The following TENT4B variants were observed in gnomAD, a reference collection of about 807,000 sequenced individuals.
TENT4B encodes terminal nucleotidyltransferase 4B, also known as PAP associated domain containing 5.
TENT4B carries 10 observed loss-of-function variants against 75.0 expected under a neutral mutation model. The observed-to-expected ratio is 0.13, with a 90% CI of 0.08 to 0.23. The LOEUF (loss-of-function observed/expected upper bound fraction) is 0.23. Among genes scored for constraint, TENT4B ranks in the 10% least tolerant of loss-of-function variants. The pLI, the probability that TENT4B is intolerant of heterozygous loss-of-function variation, is 1.00. For synonymous variants in TENT4B, 350 were observed against 357.7 expected, an observed-to-expected ratio of 0.98 and a Z score of 0.24; for missense variants, 579 against 893.8, an observed-to-expected ratio of 0.65 and a Z score of 4.49.
At position 50,217,635 on chromosome 16, in the gene TENT4B, C is replaced by A; in HGVS notation, c.1010C>A (p.Ala337Glu). 6.5e-7 allele frequency: 1 copy of A among 1,530,618 alleles called. No individual in the cohort carries two copies. The highest frequency in any genetic ancestry group is 8.8e-7 in the Non-Finnish European group (1 of 1,141,250). 94.8% of individuals were successfully genotyped at this position (1,530,618 alleles called of 1,614,324 possible). ...TTTAATGTACAGAATGGCGTGAGAGCAGCTGACCTCATCAAAGATTTTACC... is the reference window on the plus strand; with the variant it reads ...TTTAATGTACAGAATGGCGTGAGAGAAGCTGACCTCATCAAAGATTTTACC... ...ISFNVQNGVR[A>E]ADLIKDFTKK... The change falls in exon 5 of 12, where the codon GCA (alanine) becomes GAA (glutamate). Residue 337 changes from alanine to glutamate, a missense_variant. Transcript: ENST00000561678.
rs2038245246 is a variant in TENT4B at position 50,173,532 on chromosome 16, A to T, written c.638+19273A>T. On this transcript the variant is annotated intron_variant, in intron 1 of 11. Coordinates refer to ENST00000561678, the MANE Select transcript of TENT4B (RefSeq NM_001365324.3). ...CCATTTTGCATTCCCACCAGCAATG[A>T]ATCAAGTTCCTGTCGCTCCACATCC... Among the ~76,000 whole-genome samples the T allele has an allele frequency of 1.3e-5, 2 of 152,198 alleles. 1 individual carries two copies. Among genetic ancestry groups the T allele is most frequent in the Admixed American group, 1.3e-4 (2 of 15,272 alleles).
chr16:50,225,373 T>C (rs571537358), intron 10 of TENT4B, 88 bp downstream of exon 10: 16 of 1,155,976 alleles, frequency 1.4e-5, no homozygotes, highest in Non-Finnish European at 1.9e-5. Context: ...CTAAGGCTAC[T>C]TCCTTTGCTT....
chr16:50,162,617 A>G (rs1023934494), intron 1 of TENT4B, among the ~76,000 whole-genome samples: 9 of 152,206 alleles, frequency 5.9e-5, no homozygotes, highest in African/African-American at 1.9e-4. Context: ...TTCTCAATGA[A>G]AAATCTCTAA....
intron 1 of TENT4B, among the ~76,000 whole-genome samples, chr16:50,191,049 T>G (rs950839362): frequency 6.6e-6 from 1 of 151,898 alleles, no homozygotes; most frequent in African/African-American, 2.4e-5. Context: ...AACATGACTT[T>G]CCTTTTAAGG....
chr16:50,175,189 C>G (rs374361689), intron 1 of TENT4B, among the ~76,000 whole-genome samples: 2 of 152,092 alleles, frequency 1.3e-5, no homozygotes, highest in African/African-American at 4.8e-5. Context: ...GATAATAAGT[C>G]TTTTATTAGA....
chr16:50,171,711 G>A (rs765354577), intron 1 of TENT4B, among the ~76,000 whole-genome samples: 13 of 151,934 alleles, frequency 8.6e-5, no homozygotes, highest in Non-Finnish European at 1.9e-4. Context: ...ATGCCTGTAA[G>A]CCTAGCACTT....
At chr16:50,156,437 CAGGT>C (rs545000516) in intron 1 of TENT4B, among the ~76,000 whole-genome samples, 1 of 151,688 alleles carries the variant, frequency 6.6e-6, no homozygotes, top group Non-Finnish European at 1.5e-5. Flanking sequence ...CTCTGCCTCC[CAGGT>C]TCAAGCGATT....
intron 1 of TENT4B, among the ~76,000 whole-genome samples, chr16:50,186,624 T>G (rs544498635): frequency 6.6e-6 from 1 of 152,334 alleles, no homozygotes; most frequent in African/African-American, 2.4e-5. Flanking sequence ...CTGGATCATA[T>G]GATAATTCTA....
chr16:50,196,361 GATTT>G lies in TENT4B; in HGVS notation c.639-14958_639-14955del, dbSNP rs529046389. On this transcript the variant is annotated intron_variant, in intron 1 of 11. Transcript: ENST00000561678. ...ACCTAATTAGGAGTGTGAAAAAAAA[GATTT>G]ATTATAGTAGTGGGCTTTTGTTTGA... is the stretch of plus-strand genomic sequence containing the variant. Among the ~76,000 whole-genome samples the G allele has an allele frequency of 4.1e-3, 624 of 151,986 alleles. 8 individuals carry two copies. The highest frequency in any genetic ancestry group is 6.5e-3 in the Non-Finnish European group (441 of 67,972).
At chr16:50,163,750 GTTTTTATATATA>G (rs2038044784) in intron 1 of TENT4B, among the ~76,000 whole-genome samples, 1 of 151,642 alleles carries the variant, frequency 6.6e-6, no homozygotes, top group African/African-American at 2.4e-5. Flanking sequence ...ACTTTTTAGT[GTTTTTATATATA>G]TATATATTTT....
At chr16:50,198,613 A>G (rs968741064) in intron 1 of TENT4B, among the ~76,000 whole-genome samples, 13 of 152,142 alleles carry the variant, frequency 8.5e-5, no homozygotes, top group African/African-American at 3.1e-4. Flanking sequence ...TAATTAATAT[A>G]ATTTAAATTA....
At chr16:50,190,569 A>G (rs928247800) in intron 1 of TENT4B, among the ~76,000 whole-genome samples, 1 of 152,042 alleles carries the variant, frequency 6.6e-6, no homozygotes, top group African/African-American at 2.4e-5. Context: ...TTTACCTAGC[A>G]TAGTATTTTC....
chr16:50,154,579 A>G (rs1328161740), intron 1 of TENT4B, among the ~76,000 whole-genome samples: 1 of 148,956 alleles, frequency 6.7e-6, no homozygotes, highest in Non-Finnish European at 1.5e-5. Flanking sequence ...CCTTAGTTAA[A>G]CACATCTACC....
At chr16:50,226,034 C>T (rs189275264) in intron 10 of TENT4B, among the ~76,000 whole-genome samples, 1 of 151,910 alleles carries the variant, frequency 6.6e-6, no homozygotes, top group Admixed American at 6.6e-5. Flanking sequence ...GAGTCTTGCT[C>T]TGTCACCCAG....
At chr16:50,180,736 T>G (rs1037147076) in intron 1 of TENT4B, among the ~76,000 whole-genome samples, 4 of 148,892 alleles carry the variant, frequency 2.7e-5, no homozygotes, top group Non-Finnish European at 5.9e-5. Context: ...TCGTATGCAG[T>G]AAAGGTTGAA....
At chr16:50,177,348 C>T (rs189493335) in intron 1 of TENT4B, among the ~76,000 whole-genome samples, 1 of 152,196 alleles carries the variant, frequency 6.6e-6, no homozygotes, top group Non-Finnish European at 1.5e-5. Flanking sequence ...CACCAGTGAA[C>T]CCATCTGGGC....
At position 50,231,143 on chromosome 16, in the gene TENT4B, CAT is replaced by C. The variant is rs1477282936; in HGVS notation, c.*1817_*1818del. The C allele has an allele frequency of 1.6e-5, 16 of 985,544 alleles. No homozygotes were observed. The African/African-American group carries it at 2.3e-4, about 14-fold the overall frequency. 61.0% of individuals were successfully genotyped at this position (985,544 alleles called of 1,614,324 possible). A position where few individuals can be genotyped will look rare whatever the true frequency, so the allele number is the denominator to read the frequency against. ...AAAATGTGTTCCAAAACTGGAAACTCATAGTACTCGTGTAAACTGTGGAAGAT... is the reference window on the plus strand; with the variant it reads ...AAAATGTGTTCCAAAACTGGAAACTCAGTACTCGTGTAAACTGTGGAAGAT... On this transcript the variant is annotated 3_prime_UTR_variant, in exon 12 of 12. Transcript: ENST00000561678.
intron 10 of TENT4B, 130 bp from the exon 11 acceptor site, chr16:50,227,709 G>A (rs148104327): frequency 7.3e-6 from 7 of 960,200 alleles, no homozygotes; most frequent in Admixed American, 2.8e-5. Flanking sequence ...AATTTTTTGT[G>A]TGCTTCTTTT....
At chr16:50,203,026 A>G (rs1298391233) in intron 1 of TENT4B, among the ~76,000 whole-genome samples, 1 of 152,216 alleles carries the variant, frequency 6.6e-6, no homozygotes, top group African/African-American at 2.4e-5. Context: ...GAAAAAAATG[A>G]AAACTGTAAT....
Sources: allele counts gnomAD v4.1 joint callset (sites outside exome capture counted in the v4.1 genomes callset), GRCh38; gene constraint gnomAD v4.1.1; transcripts MANE v1.5; gene names NCBI Gene and HGNC (gene_info 2026-07-23, HGNC 2026-07-21).